LRP4: variants seen among roughly 807,000 people sequenced by gnomAD.
LRP4 encodes LDL receptor related protein 4.
LRP4 carries 95 observed loss-of-function variants against 220.3 expected under a neutral mutation model. The ratio of observed to expected loss-of-function variants is 0.43; its 90% CI spans 0.37 to 0.51. The LOEUF (loss-of-function observed/expected upper bound fraction) is 0.51. LRP4 is among the 20% of genes least tolerant of loss of function. The probability of loss-of-function intolerance (pLI) is 0.00; values close to 1 mark genes in which losing one functional copy is unlikely to be tolerated. For synonymous variants in LRP4, 903 were observed against 954.6 expected, an observed-to-expected ratio of 0.95 and a Z score of 1.00; for missense variants, 1,925 against 2,567.0, an observed-to-expected ratio of 0.75 and a Z score of 5.40.
Position 46,857,085 on chromosome 11 carries a change from T to C in LRP4, c.*1898A>G, listed in dbSNP as rs1198195201. 6.6e-6 allele frequency: 1 copy of C among 152,624 alleles called. No individual in the cohort carries two copies. Among genetic ancestry groups the C allele is most frequent in the African/African-American group, 2.4e-5 (1 of 41,462 alleles). The allele number at this position is 152,624 out of a possible 1,614,324, so 9.5% of individuals were successfully genotyped here. ...AATAGATACTTCCTCAAATATGTCC[T>C]TTCTACATTCTGAACAGCCCAAGTG... On this transcript the variant is annotated 3_prime_UTR_variant, in exon 38 of 38. Coordinates refer to ENST00000378623, the MANE Select transcript of LRP4 (RefSeq NM_002334.4).
Position 46,865,119 on chromosome 11 carries a change from C to T in LRP4, c.5155G>A (p.Gly1719Arg). 5 of 1,561,426 alleles carry T rather than the reference C, an allele frequency of 3.2e-6. No individual in the cohort carries two copies. Among genetic ancestry groups the T allele is most frequent in the Non-Finnish European group, 4.3e-6 (5 of 1,151,758 alleles). ...GAACAGTGGGGTACTCAGGGCTTAC[C>T]TGGAGCAGCAGGAACAGCGTCATTG... ...RSNDAVPAAP[G>R]EGLHISYAIG... Residue 1719 changes from glycine to arginine, a missense_variant and splice_region_variant, in exon 35 of 38, where the codon GGG becomes AGG. This residue lies in a region of LRP4 where 1,244 missense variants were observed against 1,624.9 expected (regional missense o/e 0.77). Coordinates refer to ENST00000378623, the MANE Select transcript of LRP4 (RefSeq NM_002334.4).
At chr11:46,872,658 G>A (rs982663656) in intron 30 of LRP4, among the ~76,000 whole-genome samples, 3 of 152,058 alleles carry the variant, frequency 2.0e-5, no homozygotes, top group Non-Finnish European at 2.9e-5. Context: ...GTAAGAAGAT[G>A]GCTTGAGCCA....
chr11:46,910,106 G>A (rs1456264168), intron 1 of LRP4, among the ~76,000 whole-genome samples: 2 of 152,074 alleles, frequency 1.3e-5, no homozygotes, highest in African/African-American at 2.4e-5. Context: ...GGGACATGTC[G>A]GGCACATGAT....
At chr11:46,882,771 G>A (rs1052743794) in intron 19 of LRP4, among the ~76,000 whole-genome samples, 1 of 151,600 alleles carries the variant, frequency 6.6e-6, no homozygotes, top group African/African-American at 2.4e-5. Flanking sequence ...CAGGAGGATT[G>A]CTTGAGCCCA....
rs1158247723 is a variant in LRP4 at position 46,889,450 on chromosome 11, T to C, written c.2176A>G (p.Thr726Ala). ...TGGCTGCTGATCTTGCGGAAGCCAGTGGGGCAGGCACAGGTGTAGTTCTGG... is the reference window on the plus strand; with the variant it reads ...TGGCTGCTGATCTTGCGGAAGCCAGCGGGGCAGGCACAGGTGTAGTTCTGG... ...SGQNYTCACP[T>A]GFRKISSHAC... Residue 726 changes from threonine (T) to alanine (A), a missense_variant, in exon 16 of 38, where the codon ACT becomes GCT. By Grantham distance (58) the Thr-to-Ala change is moderately conservative. Transcript: ENST00000378623. The C allele has an allele frequency of 1.9e-6, 3 of 1,614,112 alleles. No individual in the cohort carries two copies. The highest frequency in any genetic ancestry group is 2.5e-6 in the Non-Finnish European group (3 of 1,180,030).
intron 21 of LRP4, 21 bp downstream of exon 21, chr11:46,879,105 T>C: frequency 6.2e-7 from 1 of 1,614,174 alleles, no homozygotes; most frequent in Non-Finnish European, 8.5e-7. Context: ...GAGAAGCCAA[T>C]GCGAGCCAAG....
At chr11:46,885,016 T>C (rs1379375292) in intron 18 of LRP4, among the ~76,000 whole-genome samples, 5 of 152,186 alleles carry the variant, frequency 3.3e-5, no homozygotes, top group Non-Finnish European at 7.3e-5. Flanking sequence ...GACAGGCTCT[T>C]GCTCTGTTGC....
chr11:46,903,149 C>T (rs932076851), intron 1 of LRP4, among the ~76,000 whole-genome samples: 2 of 152,124 alleles, frequency 1.3e-5, no homozygotes, highest in Admixed American at 6.5e-5. Flanking sequence ...CCAGGTGACC[C>T]GCTCTATGAC....
At position 46,875,516 on chromosome 11, in the gene LRP4, C is replaced by A. The variant is rs756641717; in HGVS notation, c.3865G>T (p.Val1289Leu). The change falls in exon 27 of 38, where the codon GTG becomes TTG. Residue 1289 changes from valine (V) to leucine (L), a missense_variant. This residue lies in a region of LRP4 where 1,244 missense variants were observed against 1,624.9 expected (regional missense o/e 0.77). Transcript: ENST00000378623. This position sits in a 1 kb window ranked among gnomAD's most constrained non-coding sequence, Gnocchi z 4.5. ...ATGAGGCCTGGCAGGTTGGACCTCACGAGGATGACATTGCTGCCAGTACCC... is the reference window on the plus strand; with the variant it reads ...ATGAGGCCTGGCAGGTTGGACCTCAAGAGGATGACATTGCTGCCAGTACCC... ...DKGTGSNVIL[V>L]RSNLPGLMDM... 1.2e-6 allele frequency: 2 copies of A among 1,614,114 alleles called. No homozygotes were observed. Among genetic ancestry groups the A allele is most frequent in the East Asian group, 4.5e-5 (2 of 44,876 alleles).
At chr11:46,913,716 C>G (rs571441495) in intron 1 of LRP4, among the ~76,000 whole-genome samples, 4 of 152,210 alleles carry the variant, frequency 2.6e-5, no homozygotes, top group Admixed American at 2.6e-4. Context: ...GGAGAAGTTG[C>G]TAGGCTGCAT....
At chr11:46,900,146 A>G (rs1941636629) in intron 3 of LRP4, 116 bp downstream of exon 3, 2 of 986,178 alleles carry the variant, frequency 2.0e-6, no homozygotes, top group Non-Finnish European at 3.3e-6. Flanking sequence ...GTGAAAGGAC[A>G]GGACAAAGTG....
In LRP4 at chr11:46,898,608, C is replaced by T. The variant is rs780066978; in HGVS notation, c.746G>A (p.Arg249His). ...DSGLCINAGW[R>H]CDGDADCDDQ... ...ATCACAGTCCGCGTCACCATCGCAG[C>T]GCCAGCCTGCATTGATGCACAGGCC... Residue 249 changes from arginine to histidine, a missense_variant, in exon 7 of 38, where the codon CGC (arginine) becomes CAC (histidine). Physicochemically the swap from Arg to His is conservative, Grantham distance 29. Transcript: ENST00000378623. The T allele has an allele frequency of 9.9e-6, 16 of 1,613,998 alleles. No homozygotes were observed. The highest frequency in any genetic ancestry group is 2.2e-5 in the East Asian group (1 of 44,888).
intron 16 of LRP4, among the ~76,000 whole-genome samples, chr11:46,889,038 G>T (rs972578659): frequency 6.6e-6 from 1 of 152,172 alleles, no homozygotes; most frequent in Non-Finnish European, 1.5e-5. Context: ...TTTAAGGGCC[G>T]AAAGAAAGTC....
At position 46,875,316 on chromosome 11, in the gene LRP4, C is replaced by A; in HGVS notation, c.3925+140G>T. ...CCAGCCATACCCAGAGAGAACACAG[C>A]CCAATCTGGAAGGGAGCTTAAACAG... On this transcript the variant is annotated intron_variant, in intron 27 of 37. Coordinates refer to ENST00000378623, the MANE Select transcript of LRP4 (RefSeq NM_002334.4). The surrounding 1 kb of genome is among the most constrained non-coding windows in gnomAD (Gnocchi z 4.5). 1 of 914,472 alleles carries A rather than the reference C, an allele frequency of 1.1e-6. No homozygotes were observed. The highest frequency in any genetic ancestry group is 1.7e-6 in the Non-Finnish European group (1 of 581,596). The allele number at this position is 914,472 out of a possible 1,614,324, so 56.6% of individuals were successfully genotyped here. A position where few individuals can be genotyped will look rare whatever the true frequency, so the allele number is the denominator to read the frequency against.
rs760783389 is a variant in LRP4 at position 46,895,949 on chromosome 11, C to T, written c.1118G>A (p.Arg373Gln). ...GTGGCAGGTACACTGCACTGCCCCC[C>T]GCACCATCTGGCACTTCTGGGCACA... ...GGCAQKCQMV[R>Q]GAVQCTCHTG... Residue 373 changes from arginine (R) to glutamine (Q), a missense_variant, in exon 10 of 38, where the codon CGG becomes CAG. By Grantham distance (43) the Arg-to-Gln change is conservative. This residue lies in a region of LRP4 where 269 missense variants were observed against 436.7 expected (regional missense o/e 0.62). Transcript: ENST00000378623. 6.2e-6 allele frequency: 10 copies of T among 1,613,976 alleles called. No individual in the cohort carries two copies. The highest frequency in any genetic ancestry group is 2.2e-5 in the South Asian group (2 of 91,088).
chr11:46,900,911 C>T (rs190548663), intron 2 of LRP4, among the ~76,000 whole-genome samples: 67 of 152,106 alleles, frequency 4.4e-4, no homozygotes, highest in African/African-American at 1.4e-3. Context: ...CTCAGCCTCC[C>T]GAGTAGCTGG....
At chr11:46,910,519 C>A (rs1941841584) in intron 1 of LRP4, among the ~76,000 whole-genome samples, 1 of 152,158 alleles carries the variant, frequency 6.6e-6, no homozygotes, top group African/African-American at 2.4e-5. Flanking sequence ...ATGATTAAGA[C>A]CTGCTATTTT....
rs1306935689 is a variant in LRP4 at position 46,918,102 on chromosome 11, G to T, written c.52+226C>A. On this transcript the variant is annotated intron_variant, in intron 1 of 37. Coordinates refer to ENST00000378623, the MANE Select transcript of LRP4 (RefSeq NM_002334.4). The surrounding 1 kb of genome is among the most constrained non-coding windows in gnomAD (Gnocchi z 6.0). ...TACCCGCGCCCCGGCCCAGACCCGC[G>T]CCCCGGCCCAGACCCGAACCCGCGG... 6.6e-6 allele frequency among the ~76,000 whole-genome samples: 1 copy of T among 151,702 alleles called. No individual in the cohort carries two copies. The highest frequency in any genetic ancestry group is 2.4e-5 in the African/African-American group (1 of 41,294).
At chr11:46,886,203 T>A (rs747798047) in intron 17 of LRP4, 31 bp from the exon 18 acceptor site, 2 of 1,605,380 alleles carry the variant, frequency 1.2e-6, no homozygotes, top group South Asian at 2.2e-5. Context: ...TATCACCAAC[T>A]GTACTTCCAC....
Sources: gnomAD v4.1 joint callset for allele counts (sites outside exome capture counted in the v4.1 genomes callset) on GRCh38, gnomAD v4.1.1 for gene constraint, gnomAD v4.1.1 regional missense constraint, Gnocchi (gnomAD v3.1) non-coding constraint, MANE v1.5 for transcripts, NCBI Gene and HGNC (gene_info 2026-07-23, HGNC 2026-07-21) for gene names.